SLC26A4: variants seen among roughly 807,000 people sequenced by gnomAD.
The protein encoded by SLC26A4 is pendrin.
Under a neutral mutation model 90.4 loss-of-function variants are expected in SLC26A4, and 93 were observed. That is an observed-to-expected ratio of 1.03 (90% CI 0.87 to 1.22). The LOEUF (loss-of-function observed/expected upper bound fraction) is 1.22, where lower values mean the gene tolerates loss of function less well. Among genes scored for constraint, SLC26A4 ranks in the 50% most tolerant of loss-of-function variants. The pLI, the probability that SLC26A4 is intolerant of heterozygous loss-of-function variation, is 0.00. For missense variants in SLC26A4, 1,127 were observed against 946.2 expected (o/e 1.19, Z -2.51); for synonymous variants, 393 against 354.6 (o/e 1.11, Z -1.22).
At chr7:107,662,459 C>T (rs1362734651) in intron 2 of SLC26A4, among the ~76,000 whole-genome samples, 4 of 152,090 alleles carry the variant, frequency 2.6e-5, no homozygotes, top group South Asian at 2.1e-4. Context: ...CTCCCCACCC[C>T]CACCGTTTTT....
chr7:107,684,927 C>G (rs2129314828), intron 8 of SLC26A4, among the ~76,000 whole-genome samples: 1 of 152,220 alleles, frequency 6.6e-6, no homozygotes, highest in Non-Finnish European at 1.5e-5. Context: ...ATCCGTGTTC[C>G]ATTAGTTGGT....
chr7:107,701,005 T>G (rs1479834235), intron 15 of SLC26A4, 96 bp from the exon 16 acceptor site: 12 of 799,034 alleles, frequency 1.5e-5, no homozygotes, highest in Non-Finnish European at 2.7e-5. Flanking sequence ...GCTCAAGGAA[T>G]TATACCCTTT....
rs574087179 is a variant in SLC26A4 at position 107,675,192 on chromosome 7, G to A, written c.765+83G>A. 3.4e-5 allele frequency: 47 copies of A among 1,387,774 alleles called. 1 individual carries two copies. Among genetic ancestry groups the A allele is most frequent in the South Asian group, 2.6e-4 (22 of 86,090 alleles). 86.0% of individuals were successfully genotyped at this position (1,387,774 alleles called of 1,614,324 possible). A position where few individuals can be genotyped will look rare whatever the true frequency, so the allele number is the denominator to read the frequency against. ...TTCATTCTCTGAGTCTGGGCCAGGC[G>A]TGGTGGCTCACACCTGTAATCCCAG... is the stretch of plus-strand genomic sequence containing the variant. On this transcript the variant is annotated intron_variant, in intron 6 of 20. Coordinates refer to ENST00000644269, the MANE Select transcript of SLC26A4 (RefSeq NM_000441.2).
At chr7:107,701,569 T>C (rs1791886317) in intron 16 of SLC26A4, among the ~76,000 whole-genome samples, 2 of 152,224 alleles carry the variant, frequency 1.3e-5, no homozygotes, top group East Asian at 3.9e-4. Flanking sequence ...TTTACTCAGA[T>C]TCTTCTGGCC....
intron 3 of SLC26A4, among the ~76,000 whole-genome samples, chr7:107,670,829 AT>A (rs1224854345): frequency 6.6e-6 from 1 of 152,146 alleles, no homozygotes; most frequent in Non-Finnish European, 1.5e-5. Context: ...CTACCTAAGT[AT>A]TTAACCAAGG....
In SLC26A4 at chr7:107,661,358, C is replaced by G. The variant is rs958840531; in HGVS notation, c.-3-281C>G. ...GGACTGGGTGGAACTCGGGAAGCCC[C>G]CAGAGCAGGGGCTTACTCGCTTCAA... On this transcript the variant is annotated intron_variant, in intron 1 of 20. Transcript: ENST00000644269. The surrounding 1 kb of genome is among the most constrained non-coding windows in gnomAD (Gnocchi z 5.1). 1.1e-5 allele frequency: 6 copies of G among 553,942 alleles called. No homozygotes were observed. The East Asian group carries it at 1.9e-4, about 17-fold the overall frequency. 34.3% of individuals were successfully genotyped at this position (553,942 alleles called of 1,614,324 possible).
rs767255075 is a variant in SLC26A4 at position 107,700,161 on chromosome 7, T to G, written c.1693T>G (p.Cys565Gly). 1.3e-6 allele frequency: 2 copies of G among 1,543,072 alleles called. No homozygotes were observed. Among genetic ancestry groups the G allele is most frequent in the South Asian group, 2.2e-5 (2 of 89,664 alleles). The change falls in exon 15 of 21, where the codon TGT becomes GGT. Residue 565 changes from cysteine to glycine, a missense_variant. Physicochemically the swap from Cys to Gly is radical, Grantham distance 159. Transcript: ENST00000644269. Reference sequence around the variant, plus strand: ...TGGCAATGTCGATGGTTTTAAAAAATGTATCAAGTCCACAGTAAGTATTTT... The same window carrying G: ...TGGCAATGTCGATGGTTTTAAAAAAGGTATCAAGTCCACAGTAAGTATTTT... Reference protein sequence around the residue: ...FYGNVDGFKKCIKSTVGFDAI... With the variant: ...FYGNVDGFKKGIKSTVGFDAI...
intron 13 of SLC26A4, among the ~76,000 whole-genome samples, chr7:107,696,504 A>C (rs1164056077): frequency 6.6e-6 from 1 of 152,200 alleles, no homozygotes; most frequent in Non-Finnish European, 1.5e-5. Flanking sequence ...TATATATTAT[A>C]GTTCATTTTC....
chr7:107,681,911 C>A (rs1044468210), intron 6 of SLC26A4, among the ~76,000 whole-genome samples: 3 of 151,450 alleles, frequency 2.0e-5, no homozygotes, highest in Non-Finnish European at 4.4e-5. Flanking sequence ...AAGTGAGACA[C>A]CATCCCCTGC....
Position 107,704,320 on chromosome 7 carries a change from T to C in SLC26A4, c.2035-11T>C. 1.6e-6 allele frequency: 2 copies of C among 1,273,212 alleles called. No individual in the cohort carries two copies. The highest frequency in any genetic ancestry group is 2.3e-6 in the Non-Finnish European group (2 of 875,494). The allele number at this position is 1,273,212 out of a possible 1,614,324, so 78.9% of individuals were successfully genotyped here. A position where few individuals can be genotyped will look rare whatever the true frequency, so the allele number is the denominator to read the frequency against. ...TGTTAATTGTTACAAACTCTCCTTT[T>C]TTATTTTTAGATTGTCAAAGAATTC... is the stretch of plus-strand genomic sequence containing the variant. On this transcript the variant is annotated splice_polypyrimidine_tract_variant and intron_variant, in intron 17 of 20. Coordinates refer to ENST00000644269, the MANE Select transcript of SLC26A4 (RefSeq NM_000441.2).
At chr7:107,711,531 G>A (rs1313036507) in intron 19 of SLC26A4, among the ~76,000 whole-genome samples, 3 of 152,104 alleles carry the variant, frequency 2.0e-5, no homozygotes, top group African/African-American at 2.4e-5. Flanking sequence ...TAAGCATAAC[G>A]GAATGCTTGT....
In SLC26A4 at chr7:107,689,174, T is replaced by C. The variant is rs754015878; in HGVS notation, c.1123T>C (p.Tyr375His). Residue 375 changes from tyrosine (Y) to histidine (H), a missense_variant, in exon 9 of 21, where the codon TAT becomes CAT. Transcript: ENST00000644269. ...VSVGKVYATK[Y>H]DYTIDGNQEF... ...AGTAGGAAAAGTATATGCCACCAAG[T>C]ATGATTACACCATCGATGGGAACCA... The C allele has an allele frequency of 1.2e-6, 2 of 1,613,878 alleles. No individual in the cohort carries two copies. The highest frequency in any genetic ancestry group is 2.2e-5 in the South Asian group (2 of 91,084).
At chr7:107,698,241 T>G (rs1486044597) in intron 14 of SLC26A4, 130 bp downstream of exon 14, 4 of 723,140 alleles carry the variant, frequency 5.5e-6, no homozygotes, top group Middle Eastern at 2.3e-4. Context: ...CCACAGGGAG[T>G]GTCATGAAAA....
At position 107,694,549 on chromosome 7, in the gene SLC26A4, C is replaced by T. The variant is rs1791683216; in HGVS notation, c.1341+69C>T. 4 of 1,520,144 alleles carry T rather than the reference C, an allele frequency of 2.6e-6. No homozygotes were observed. In the Admixed American group the frequency reaches 5.0e-5, roughly 19 times the overall value. The allele number at this position is 1,520,144 out of a possible 1,614,324, so 94.2% of individuals were successfully genotyped here. A position where few individuals can be genotyped will look rare whatever the true frequency, so the allele number is the denominator to read the frequency against. On this transcript the variant is annotated intron_variant, in intron 11 of 20. Coordinates refer to ENST00000644269, the MANE Select transcript of SLC26A4 (RefSeq NM_000441.2). The stretch of plus-strand genomic sequence containing the variant: ...CACTACTCTGCTACCAGATAAATAA[C>T]AGGAGATTTAACAATCATCACATGG...
rs1790570948 is a variant in SLC26A4 at position 107,661,959 on chromosome 7, G to A, written c.164+154G>A. 1 of 790,268 alleles carries A rather than the reference G, an allele frequency of 1.3e-6. No homozygotes were observed. Among genetic ancestry groups the A allele is most frequent in the Admixed American group, 2.8e-5 (1 of 35,094 alleles). The allele number at this position is 790,268 out of a possible 1,614,324, so 49.0% of individuals were successfully genotyped here. The stretch of plus-strand genomic sequence containing the variant: ...CCAGAGGCCCGACTTTCGGTCTCCG[G>A]TCCTCCACGCCGCCCTTCTGGTGGG... On this transcript the variant is annotated intron_variant, in intron 2 of 20. Coordinates refer to ENST00000644269, the MANE Select transcript of SLC26A4 (RefSeq NM_000441.2). This position sits in a 1 kb window ranked among gnomAD's most constrained non-coding sequence, Gnocchi z 5.1.
intron 9 of SLC26A4, among the ~76,000 whole-genome samples, chr7:107,689,821 T>G (rs1791517750): frequency 6.6e-6 from 1 of 152,154 alleles, no homozygotes; most frequent in African/African-American, 2.4e-5. Context: ...GAAAAACACT[T>G]TATGTGAGAG....
chr7:107,708,602 C>A (rs1171098827), intron 18 of SLC26A4, among the ~76,000 whole-genome samples: 1 of 152,018 alleles, frequency 6.6e-6, no homozygotes, highest in Non-Finnish European at 1.5e-5. Context: ...ATCTGTAATC[C>A]CAGCACTTTG....
At position 107,712,112 on chromosome 7, in the gene SLC26A4, T is replaced by G. The variant is rs140313098; in HGVS notation, c.2236-427T>G. On this transcript the variant is annotated intron_variant, in intron 19 of 20. Coordinates refer to ENST00000644269, the MANE Select transcript of SLC26A4 (RefSeq NM_000441.2). ...CATTGGTTTCCATCTCCAATAGAAT[T>G]AATTTCCACCCAATTCCATTTGTGG... Among the ~76,000 whole-genome samples the G allele has an allele frequency of 4.3e-3, 648 of 152,336 alleles. 2 individuals carry two copies. Among genetic ancestry groups the G allele is most frequent in the African/African-American group, 0.015 (607 of 41,576 alleles).
chr7:107,689,130 CT>C lies in SLC26A4; in HGVS notation c.1081del (p.Tyr361MetfsTer7). 1 of 1,613,754 alleles carries C rather than the reference CT, an allele frequency of 6.2e-7. No individual in the cohort carries two copies. Among genetic ancestry groups the C allele is most frequent in the South Asian group, 1.1e-5 (1 of 91,076 alleles). On this transcript the variant is annotated frameshift_variant, in exon 9 of 21. Transcript: ENST00000644269. LOFTEE classifies it high-confidence loss of function. ...LAASFSIAVV[A>X]YAIAVSVGKV... ...GCATCATTTTCCATCGCTGTGGTGG[CT>C]TATGCTATTGCAGTGTCAGTAGGAA... is the stretch of plus-strand genomic sequence containing the variant.
Sources: allele counts gnomAD v4.1 joint callset (sites outside exome capture counted in the v4.1 genomes callset), GRCh38; gene constraint gnomAD v4.1.1; non-coding constraint Gnocchi (gnomAD v3.1); transcripts MANE v1.5; gene names NCBI Gene and HGNC (gene_info 2026-07-23, HGNC 2026-07-21).